The following POMK variants were observed in gnomAD, a reference collection of about 807,000 sequenced individuals.
POMK encodes the protein Sugen kinase 196.
POMK carries 19 observed loss-of-function variants against 23.0 expected under a neutral mutation model. The observed-to-expected ratio is 0.83, with a 90% CI of 0.58 to 1.21. The LOEUF is 1.21. Among genes scored for constraint, POMK ranks in the 50% most tolerant of loss-of-function variants. The probability of loss-of-function intolerance (pLI) is 0.00; values close to 1 mark genes in which losing one functional copy is unlikely to be tolerated. For missense variants in POMK, 410 were observed against 431.3 expected, an observed-to-expected ratio of 0.95 and a Z score of 0.44; for synonymous variants, 173 against 171.6, an observed-to-expected ratio of 1.01 and a Z score of -0.06.
At chr8:43,117,078 C>T (rs963288442) in intron 4 of POMK, among the ~76,000 whole-genome samples, 4 of 152,162 alleles carry the variant, frequency 2.6e-5, no homozygotes, top group African/African-American at 7.2e-5. Flanking sequence ...GTAATGTCAT[C>T]GCTTAAGGCA....
intron 1 of POMK, 101 bp downstream of exon 1, chr8:43,093,664 G>A (rs562852378): frequency 1.3e-3 from 206 of 152,662 alleles, no homozygotes; most frequent in Non-Finnish European, 2.3e-3. Context: ...ACCCCCCGCA[G>A]CCCCGGCCGC....
chr8:43,103,667 ACTT>A lies in POMK; in HGVS notation c.124_126del (p.Phe42del). The A allele has an allele frequency of 1.2e-6, 2 of 1,613,912 alleles. No individual in the cohort carries two copies. The highest frequency in any genetic ancestry group is 1.7e-6 in the Non-Finnish European group (2 of 1,180,016). ...ACTCTGCTCTACCTCTGCCTCGACC[ACTT>A]CTTCATCGCTCCTCGACAATCCACT... On this transcript the variant is annotated inframe_deletion, in exon 4 of 5. Coordinates refer to ENST00000331373, the MANE Select transcript of POMK (RefSeq NM_032237.5).
chr8:43,106,324 C>T (rs1298998636), intron 4 of POMK, among the ~76,000 whole-genome samples: 5 of 151,980 alleles, frequency 3.3e-5, no homozygotes. Context: ...ATCATTTGCC[C>T]ATTTTTTGAT....
At chr8:43,107,002 T>C (rs1476271319) in intron 4 of POMK, among the ~76,000 whole-genome samples, 2 of 152,208 alleles carry the variant, frequency 1.3e-5, no homozygotes, top group Non-Finnish European at 2.9e-5. Flanking sequence ...AGTATATTCA[T>C]GCAGGCCGGG....
At chr8:43,111,901 C>A (rs2130612347) in intron 4 of POMK, among the ~76,000 whole-genome samples, 1 of 152,280 alleles carries the variant, frequency 6.6e-6, no homozygotes, top group Middle Eastern at 3.4e-3. Flanking sequence ...GACGTCCACA[C>A]CAAAAACCCA....
chr8:43,116,012 G>C (rs369806875), intron 4 of POMK, among the ~76,000 whole-genome samples: 9 of 152,152 alleles, frequency 5.9e-5, no homozygotes, highest in African/African-American at 2.2e-4. Flanking sequence ...CCTCCTTCAC[G>C]GTCTTGCTCA....
chr8:43,117,807 T>C (rs373955120), intron 4 of POMK, among the ~76,000 whole-genome samples: 1 of 152,342 alleles, frequency 6.6e-6, no homozygotes, highest in East Asian at 1.9e-4. Flanking sequence ...TTCCTAAGAT[T>C]CTATCATGCG....
At chr8:43,104,937 G>GA (rs576049026) in intron 4 of POMK, among the ~76,000 whole-genome samples, 6 of 148,566 alleles carry the variant, frequency 4.0e-5, no homozygotes, top group South Asian at 4.3e-4. Flanking sequence ...GTCTCCAAAG[G>GA]AAAAAAAAAA....
At chr8:43,107,827 C>T (rs1195012260) in intron 4 of POMK, among the ~76,000 whole-genome samples, 1 of 152,082 alleles carries the variant, frequency 6.6e-6, no homozygotes, top group African/African-American at 2.4e-5. Context: ...ACTATAGGTG[C>T]ACGTCGCCAT....
rs554931279 is a variant in POMK, at chr8:43,112,826, T to C, written c.282+8996T>C. On this transcript the variant is annotated intron_variant, in intron 4 of 4. Coordinates refer to ENST00000331373, the MANE Select transcript of POMK (RefSeq NM_032237.5). The stretch of plus-strand genomic sequence containing the variant: ...ATCCAGCCAAACTAAGCTTCATCAG[T>C]GAAGGAGAAATAAAATACTTTACAG... 2.4e-4 allele frequency among the ~76,000 whole-genome samples: 36 copies of C among 152,162 alleles called. No homozygotes were observed. The East Asian group carries it at 5.2e-3, about 22-fold the overall frequency.
chr8:43,098,389 A>G (rs1166631993), intron 2 of POMK, among the ~76,000 whole-genome samples: 1 of 152,176 alleles, frequency 6.6e-6, no homozygotes, highest in East Asian at 1.9e-4. Flanking sequence ...CCTTTTTGTC[A>G]GGCTTATTTC....
At chr8:43,113,223 T>C (rs572913471) in intron 4 of POMK, among the ~76,000 whole-genome samples, 149 of 152,300 alleles carry the variant, frequency 9.8e-4, no homozygotes, top group African/African-American at 3.4e-3. Context: ...CTTGGTTCCA[T>C]TCTCCCCATC....
chr8:43,118,229 TAA>T (rs1453340003), intron 4 of POMK, among the ~76,000 whole-genome samples: 1 of 152,050 alleles, frequency 6.6e-6, no homozygotes, highest in Non-Finnish European at 1.5e-5. Flanking sequence ...TACTCAGCTT[TAA>T]AAAGAATGGC....
rs190603763 is a variant in POMK, at chr8:43,113,941, G to A, written c.283-8166G>A. Among the ~76,000 whole-genome samples the A allele has an allele frequency of 5.7e-3, 868 of 152,152 alleles. 19 individuals carry two copies. The highest frequency in any genetic ancestry group is 0.048 in the East Asian group (251 of 5,184). ...AGAACAGCGGATTTTCGTGAACCGC[G>A]AATGCTGCTGTCTGATCGTTCCTCT... On this transcript the variant is annotated intron_variant, in intron 4 of 4. Coordinates refer to ENST00000331373, the MANE Select transcript of POMK (RefSeq NM_032237.5).
At chr8:43,118,834 C>T (rs897020509) in intron 4 of POMK, among the ~76,000 whole-genome samples, 4 of 152,156 alleles carry the variant, frequency 2.6e-5, no homozygotes, top group South Asian at 2.1e-4. Context: ...TACGGAGTCT[C>T]GCTCTGTTGC....
chr8:43,100,475 G>A (rs978091968), intron 2 of POMK, among the ~76,000 whole-genome samples: 4 of 151,828 alleles, frequency 2.6e-5, no homozygotes, highest in Non-Finnish European at 4.4e-5. Context: ...CTGAGGCCTC[G>A]TGTGTGGTGA....
Position 43,100,424 on chromosome 8 carries a change from GA to G in POMK, c.-117-2080del, listed in dbSNP as rs376445982. Among the ~76,000 whole-genome samples, 763 of 152,150 alleles carry G rather than the reference GA, an allele frequency of 5.0e-3. 3 individuals carry two copies. Among genetic ancestry groups the G allele is most frequent in the Middle Eastern group, 0.02 (6 of 294 alleles). ...AGGCCCAGTGTGTGTGCTAATGGGG[GA>G]TAGTGTGGTAGAGGCACCAGGGTGT... On this transcript the variant is annotated intron_variant, in intron 2 of 4. Transcript: ENST00000331373.
At chr8:43,122,028 C>T in intron 4 of POMK, 79 bp from the exon 5 acceptor site, 6 of 1,393,524 alleles carry the variant, frequency 4.3e-6, no homozygotes, top group Non-Finnish European at 5.9e-6. Context: ...ACACCTGCCA[C>T]TTAAAAGATA....
intron 1 of POMK, 148 bp downstream of exon 1, chr8:43,093,711 G>A (rs1811271393): frequency 1.3e-5 from 2 of 152,418 alleles, no homozygotes; most frequent in African/African-American, 4.8e-5. Context: ...CTAGGAGGCT[G>A]CGCTGGGCCT....
Sources: allele counts gnomAD v4.1 joint callset (sites outside exome capture counted in the v4.1 genomes callset), GRCh38; gene constraint gnomAD v4.1.1; transcripts MANE v1.5; gene names NCBI Gene and HGNC (gene_info 2026-07-23, HGNC 2026-07-21).